Variants in JAZF1 observed in about 807,000 individuals in gnomAD.
JAZF1 encodes juxtaposed with another zinc finger protein 1.
In JAZF1, 8 loss-of-function variants were observed where a neutral mutation model predicts 26.4. The observed-to-expected ratio is 0.30, with a 90% CI of 0.18 to 0.55. The LOEUF is 0.55. JAZF1 is among the 20% of genes least tolerant of loss of function. The probability of loss-of-function intolerance (pLI) is 0.94; values close to 1 mark genes in which losing one functional copy is unlikely to be tolerated. For synonymous variants in JAZF1, 126 were observed against 122.3 expected (o/e 1.03, Z -0.20); for missense variants, 199 against 322.0 (o/e 0.62, Z 2.92).
At chr7:27,871,438 T>A (rs1418373476) in intron 3 of JAZF1, among the ~76,000 whole-genome samples, 1 of 152,232 alleles carries the variant, frequency 6.6e-6, no homozygotes, top group East Asian at 1.9e-4. Context: ...ACCAACGATA[T>A]GTCATCCACA....
intron 3 of JAZF1, among the ~76,000 whole-genome samples, chr7:27,854,847 G>A (rs1211145758): frequency 1.3e-5 from 2 of 152,164 alleles, no homozygotes; most frequent in Non-Finnish European, 2.9e-5. Context: ...TCTTGGGGTT[G>A]CTTTTCTCAA....
intron 1 of JAZF1, among the ~76,000 whole-genome samples, chr7:28,030,465 G>A (rs774402450): frequency 4.6e-5 from 7 of 152,202 alleles, no homozygotes; most frequent in Non-Finnish European, 8.8e-5. Context: ...AAGCAACGAT[G>A]CCTTGACCAG....
Position 27,832,694 on chromosome 7 carries a change from T to G in JAZF1, c.*106A>C. On this transcript the variant is annotated 3_prime_UTR_variant, in exon 5 of 5. Transcript: ENST00000283928. ...AAAAAATTTAAAGCATGCATTTAATTCTTTTTCTTTAAAGGGTTGCTGAAT... is the reference window on the plus strand; with the variant it reads ...AAAAAATTTAAAGCATGCATTTAATGCTTTTTCTTTAAAGGGTTGCTGAAT... The G allele has an allele frequency of 1.1e-6, 1 of 908,932 alleles. No homozygotes were observed. The highest frequency in any genetic ancestry group is 1.6e-6 in the Non-Finnish European group (1 of 617,306). 56.3% of individuals were successfully genotyped at this position (908,932 alleles called of 1,614,324 possible).
At chr7:27,987,150 C>T (rs1485928049) in intron 2 of JAZF1, among the ~76,000 whole-genome samples, 4 of 151,192 alleles carry the variant, frequency 2.6e-5, no homozygotes, top group Non-Finnish European at 4.4e-5. Context: ...TCTGCCTGGC[C>T]GCCCAGTCTG....
rs575619800 is a variant in JAZF1 at position 28,146,159 on chromosome 7, G to C, written c.115+34304C>G. 1.2e-3 allele frequency among the ~76,000 whole-genome samples: 186 copies of C among 152,346 alleles called. 1 individual carries two copies. Among genetic ancestry groups the C allele is most frequent in the African/African-American group, 4.1e-3 (171 of 41,584 alleles). On this transcript the variant is annotated intron_variant, in intron 1 of 4. Transcript: ENST00000283928. ...AGCACCTGTCAGGAGGGTCAAGCTA[G>C]GCAAGCCAACAAGAATTTAAACAAA...
intron 1 of JAZF1, among the ~76,000 whole-genome samples, chr7:28,136,126 G>A (rs116660165): frequency 1.9e-3 from 285 of 152,312 alleles, no homozygotes; most frequent in African/African-American, 6.5e-3. Context: ...TAGCATGATC[G>A]CAGCAGGGAG....
chr7:27,970,961 C>T (rs1170376835), intron 2 of JAZF1, among the ~76,000 whole-genome samples: 1 of 152,192 alleles, frequency 6.6e-6, no homozygotes, highest in Non-Finnish European at 1.5e-5. Flanking sequence ...TTAAAGAGAG[C>T]TAAGAGCTAT....
At chr7:27,969,412 C>T (rs967954946) in intron 2 of JAZF1, among the ~76,000 whole-genome samples, 2 of 152,116 alleles carry the variant, frequency 1.3e-5, no homozygotes, top group African/African-American at 4.8e-5. Flanking sequence ...TCGGTGGTCA[C>T]GGAAGGTGGA....
chr7:27,958,507 T>C (rs974483645), intron 2 of JAZF1, among the ~76,000 whole-genome samples: 2 of 152,168 alleles, frequency 1.3e-5, no homozygotes, highest in African/African-American at 4.8e-5. Context: ...AACCCCTAGT[T>C]TGTGTGCTGC....
intron 2 of JAZF1, among the ~76,000 whole-genome samples, chr7:27,991,632 T>G (rs530353572): frequency 2.0e-5 from 3 of 152,338 alleles, no homozygotes; most frequent in African/African-American, 7.2e-5. Flanking sequence ...CAAACTGCCC[T>G]ATGAAGTCAA....
intron 1 of JAZF1, among the ~76,000 whole-genome samples, chr7:28,089,771 G>A (rs1784265546): frequency 6.6e-6 from 1 of 152,240 alleles, no homozygotes. Flanking sequence ...TTGTTATAAA[G>A]TGGCAAAGAA....
chr7:27,839,020 C>A (rs562367929), intron 4 of JAZF1, among the ~76,000 whole-genome samples: 65 of 152,194 alleles, frequency 4.3e-4, no homozygotes, highest in African/African-American at 1.3e-3. Flanking sequence ...GGGGAAACTG[C>A]CAGAAACCCA....
intron 3 of JAZF1, among the ~76,000 whole-genome samples, chr7:27,867,489 G>C (rs374378024): frequency 6.6e-6 from 1 of 152,218 alleles, no homozygotes; most frequent in Non-Finnish European, 1.5e-5. Flanking sequence ...AGTTTTATGA[G>C]AGTACTTCTG....
At chr7:27,884,018 G>A (rs1312431275) in intron 3 of JAZF1, among the ~76,000 whole-genome samples, 2 of 152,190 alleles carry the variant, frequency 1.3e-5, no homozygotes, top group Non-Finnish European at 2.9e-5. Flanking sequence ...GTTTATAAGA[G>A]CGGAAATGCT....
intron 2 of JAZF1, among the ~76,000 whole-genome samples, chr7:27,898,471 A>G (rs1302532190): frequency 6.6e-6 from 1 of 151,678 alleles, no homozygotes; most frequent in Admixed American, 6.6e-5. Flanking sequence ...TGCCCAGCTA[A>G]TTTTTGTATT....
chr7:28,106,070 A>G (rs912674702), intron 1 of JAZF1, among the ~76,000 whole-genome samples: 1 of 152,200 alleles, frequency 6.6e-6, no homozygotes, highest in Non-Finnish European at 1.5e-5. Context: ...TTCAGTAGGT[A>G]ACAAGAATAA....
intron 1 of JAZF1, among the ~76,000 whole-genome samples, chr7:28,058,730 T>C (rs1392272329): frequency 6.6e-6 from 1 of 152,272 alleles, no homozygotes; most frequent in Non-Finnish European, 1.5e-5. Context: ...TGCTTTGTCC[T>C]GTGACTTACG....
At chr7:28,083,729 T>C (rs887264222) in intron 1 of JAZF1, among the ~76,000 whole-genome samples, 7 of 152,058 alleles carry the variant, frequency 4.6e-5, no homozygotes, top group African/African-American at 1.4e-4. Context: ...AAGTTCTTTA[T>C]GTGAGCATTA....
At chr7:28,055,336 T>C (rs1419789541) in intron 1 of JAZF1, among the ~76,000 whole-genome samples, 1 of 152,088 alleles carries the variant, frequency 6.6e-6, no homozygotes, top group Non-Finnish European at 1.5e-5. Flanking sequence ...TATCACTGTC[T>C]ATAAACTCCC....
Sources: gnomAD v4.1 joint callset for allele counts (sites outside exome capture counted in the v4.1 genomes callset) on GRCh38, gnomAD v4.1.1 for gene constraint, MANE v1.5 for transcripts, NCBI Gene and HGNC (gene_info 2026-07-23, HGNC 2026-07-21) for gene names.